ZNF273: variants seen among roughly 807,000 people sequenced by gnomAD.
ZNF273 encodes the protein zinc finger protein 9.
ZNF273 carries 11 observed loss-of-function variants against 14.9 expected under a neutral mutation model. The observed-to-expected ratio is 0.74, with a 90% confidence interval of 0.46 to 1.22. ZNF273 has a LOEUF of 1.22. Among genes scored for constraint, ZNF273 ranks in the 50% most tolerant of loss-of-function variants. The probability of loss-of-function intolerance (pLI) is 0.00; values close to 1 mark genes in which losing one functional copy is unlikely to be tolerated. For missense variants in ZNF273, 577 were observed against 660.6 expected, an observed-to-expected ratio of 0.87 and a Z score of 1.39; for synonymous variants, 199 against 223.9, an observed-to-expected ratio of 0.89 and a Z score of 0.99.
At position 64,929,238 on chromosome 7, in the gene ZNF273, TA is replaced by T; in HGVS notation, c.*204del. The T allele has an allele frequency of 2.3e-6, 1 of 441,994 alleles. No individual in the cohort carries two copies. The allele number at this position is 441,994 out of a possible 1,614,324, so 27.4% of individuals were successfully genotyped here. ...TTAACATCAGCGAGTTGGTATTTAA[TA>T]AAAGCATTATCAATGAAATTACTGT... On this transcript the variant is annotated 3_prime_UTR_variant, in exon 4 of 4. Coordinates refer to ENST00000476120, the MANE Select transcript of ZNF273 (RefSeq NM_021148.3).
intron 1 of ZNF273, among the ~76,000 whole-genome samples, chr7:64,915,920 G>T (rs1488719453): frequency 6.6e-6 from 1 of 151,978 alleles, no homozygotes; most frequent in African/African-American, 2.4e-5. Context: ...AGATGGCCAG[G>T]CATGATGGTT....
Position 64,917,640 on chromosome 7 carries a change from G to A in ZNF273, c.162G>A (p.Leu54=). 2 of 1,600,426 alleles carry A rather than the reference G, an allele frequency of 1.2e-6. No individual in the cohort carries two copies. The highest frequency in any genetic ancestry group is 1.7e-6 in the Non-Finnish European group (2 of 1,171,522). ...TCTCTCTGGAGGAGTGGCAATGCCTGGACACTTCACAGCAGAATTTGTATA... is the reference window on the plus strand; with the variant it reads ...TCTCTCTGGAGGAGTGGCAATGCCTAGACACTTCACAGCAGAATTTGTATA... The part of the protein sequence containing the change: ...IEFSLEEWQC[L]DTSQQNLYRN... Residue 54 remains leucine (L), a synonymous_variant, in exon 2 of 4, where the codon CTG becomes CTA. Coordinates refer to ENST00000476120, the MANE Select transcript of ZNF273 (RefSeq NM_021148.3).
downstream of ZNF273, among the ~76,000 whole-genome samples, chr7:64,881,089 C>G (rs1474443022): frequency 6.6e-6 from 1 of 152,212 alleles, no homozygotes; most frequent in Non-Finnish European, 1.5e-5. Flanking sequence ...CCCGCATTCC[C>G]TTCGTCCACA....
chr7:64,912,826 G>GTTTTGTTTTTTTTTTTT (rs746174998), intron 1 of ZNF273, among the ~76,000 whole-genome samples: 4 of 36,568 alleles, frequency 1.1e-4, no homozygotes, highest in Non-Finnish European at 2.3e-4. Flanking sequence ...ATTCATTTTA[G>GTTTTGTTTTTTTTTTTT]TTTTTTTTTT....
At chr7:64,894,628 T>C (rs1792250520), downstream of ZNF273, among the ~76,000 whole-genome samples, 1 of 151,906 alleles carries the variant, frequency 6.6e-6, no homozygotes, top group Non-Finnish European at 1.5e-5. Context: ...TCTAAAAAAG[T>C]AAAATACTCT....
rs759078999 is a variant in ZNF273 at position 64,929,057 on chromosome 7, A to G, written c.*19A>G. ...ATCCTAGAAATGTGAAGAATGTGAC[A>G]AAGCCTTTAAGCGGTTGTCACACTT... is the stretch of plus-strand genomic sequence containing the variant. On this transcript the variant is annotated 3_prime_UTR_variant, in exon 4 of 4. Coordinates refer to ENST00000476120, the MANE Select transcript of ZNF273 (RefSeq NM_021148.3). 6.7e-5 allele frequency: 101 copies of G among 1,508,950 alleles called. No individual in the cohort carries two copies. The highest frequency in any genetic ancestry group is 8.2e-5 in the Non-Finnish European group (93 of 1,134,868). 93.5% of individuals were successfully genotyped at this position (1,508,950 alleles called of 1,614,324 possible).
downstream of ZNF273, among the ~76,000 whole-genome samples, chr7:64,932,998 T>C: frequency 6.6e-6 from 1 of 152,098 alleles, no homozygotes; most frequent in Non-Finnish European, 1.5e-5. Context: ...TTAGATGCAG[T>C]CTCACTCTTG....
Position 64,903,303 on chromosome 7 carries a change from C to A in ZNF273, c.-15C>A, listed in dbSNP as rs758389541. 38 of 1,601,074 alleles carry A rather than the reference C, an allele frequency of 2.4e-5. No individual in the cohort carries two copies. The South Asian group carries it at 3.5e-4, about 15-fold the overall frequency. ...TCGCTGCAGTCGCAGCTCCAGGTCT[C>A]GTCTTCACTGCTCTATGTCCTCTGC... On this transcript the variant is annotated 5_prime_UTR_variant, in exon 1 of 4. Transcript: ENST00000476120.
chr7:64,917,822 C>T, intron 2 of ZNF273, 115 bp downstream of exon 2: 1 of 1,165,246 alleles, frequency 8.6e-7, no homozygotes, highest in Non-Finnish European at 1.2e-6. Flanking sequence ...TCAACAAAAT[C>T]CTGGGGATTT....
chr7:64,927,093 A>T (rs1313989087), intron 3 of ZNF273, among the ~76,000 whole-genome samples: 1 of 152,098 alleles, frequency 6.6e-6, no homozygotes. Flanking sequence ...AGAGTTGGCA[A>T]TTTACTCCTT....
In ZNF273 at chr7:64,914,510, T is replaced by C. The variant is rs750694915; in HGVS notation, c.103-3071T>C. Reference sequence around the variant, plus strand: ...AGAATCAGCTATGAGGGGTTCAAAATACATTCATGAGAGTTAATTTCTGCC... The same window carrying C: ...AGAATCAGCTATGAGGGGTTCAAAACACATTCATGAGAGTTAATTTCTGCC... On this transcript the variant is annotated intron_variant, in intron 1 of 3. Transcript: ENST00000476120. Among the ~76,000 whole-genome samples, 9 of 152,226 alleles carry C rather than the reference T, an allele frequency of 5.9e-5. No individual in the cohort carries two copies. The South Asian group carries it at 6.2e-4, about 11-fold the overall frequency.
chr7:64,923,114 C>T (rs1287876193), intron 3 of ZNF273, among the ~76,000 whole-genome samples: 4 of 152,094 alleles, frequency 2.6e-5, no homozygotes, highest in African/African-American at 9.7e-5. Context: ...TAAACAACTA[C>T]CATTTTTTCC....
chr7:64,889,063 T>C, downstream of ZNF273: 1 of 985,916 alleles, frequency 1.0e-6, no homozygotes, highest in Non-Finnish European at 1.2e-6. The surrounding 1 kb of genome is among the most constrained non-coding windows in gnomAD (Gnocchi z 4.2). Flanking sequence ...ACGTTTCTCC[T>C]ACCTAGAGCG....
intron 1 of ZNF273, chr7:64,877,978 G>A (rs1791159414): frequency 6.6e-6 from 1 of 152,456 alleles, no homozygotes. Context: ...GTGTTTCTGT[G>A]GGAGTGTTGC....
downstream of ZNF273, among the ~76,000 whole-genome samples, chr7:64,894,252 G>A (rs912531847): frequency 1.6e-4 from 25 of 152,194 alleles, no homozygotes; most frequent in Admixed American, 7.2e-4. Flanking sequence ...TGGTGCACCA[G>A]CCTCGGCCTC....
intron 1 of ZNF273, among the ~76,000 whole-genome samples, chr7:64,905,608 C>CA (rs538741982): frequency 4.0e-5 from 6 of 151,604 alleles, no homozygotes; most frequent in East Asian, 1.9e-4. Context: ...AATAGTGTAC[C>CA]AAAAAAACTA....
In ZNF273 at chr7:64,918,190, A is replaced by G. The variant is rs1583999609; in HGVS notation, c.230-7A>G. On this transcript the variant is annotated splice_region_variant and splice_polypyrimidine_tract_variant and intron_variant, in intron 2 of 3. Coordinates refer to ENST00000476120, the MANE Select transcript of ZNF273 (RefSeq NM_021148.3). ...AAGATTCATGTTACTCATTTTTAAT[A>G]AAACAGGTATTGCTGTCTCTAAGCC... The G allele has an allele frequency of 6.4e-7, 1 of 1,555,104 alleles. No homozygotes were observed. The highest frequency in any genetic ancestry group is 2.5e-5 in the East Asian group (1 of 40,130).
chr7:64,929,602 ATATC>A lies in ZNF273; in HGVS notation c.*565_*568del. The A allele has an allele frequency of 6.6e-6, 1 of 152,410 alleles. No individual in the cohort carries two copies. Among genetic ancestry groups the A allele is most frequent in the Non-Finnish European group, 1.5e-5 (1 of 68,074 alleles). 9.4% of individuals were successfully genotyped at this position (152,410 alleles called of 1,614,324 possible). ...ATGATCCAAAGTTAGGTTTATATAA[ATATC>A]AGAGAATTCACAATACAGATATCTA... is the stretch of plus-strand genomic sequence containing the variant. On this transcript the variant is annotated 3_prime_UTR_variant, in exon 4 of 4. Coordinates refer to ENST00000476120, the MANE Select transcript of ZNF273 (RefSeq NM_021148.3).
At chr7:64,907,176 T>C (rs1052266206) in intron 1 of ZNF273, among the ~76,000 whole-genome samples, 1 of 152,180 alleles carries the variant, frequency 6.6e-6, no homozygotes, top group African/African-American at 2.4e-5. Context: ...GTTTGTTGTT[T>C]GTTTTTAATG....
Sources: allele counts gnomAD v4.1 joint callset (sites outside exome capture counted in the v4.1 genomes callset), GRCh38; gene constraint gnomAD v4.1.1; non-coding constraint Gnocchi (gnomAD v3.1); transcripts MANE v1.5; gene names NCBI Gene and HGNC (gene_info 2026-07-23, HGNC 2026-07-21).